The following PLEKHG1 variants were observed in gnomAD, a reference collection of about 807,000 sequenced individuals.
PLEKHG1 encodes pleckstrin homology and RhoGEF domain containing G1.
PLEKHG1 carries 44 observed loss-of-function variants against 100.8 expected under a neutral mutation model. The observed-to-expected ratio is 0.44, with a 90% CI of 0.34 to 0.56. PLEKHG1 has a LOEUF of 0.56. PLEKHG1 is among the 20% of genes least tolerant of loss of function. The probability of loss-of-function intolerance (pLI) is 0.01; values close to 1 mark genes in which losing one functional copy is unlikely to be tolerated. For synonymous variants in PLEKHG1, 640 were observed against 662.5 expected (o/e 0.97, Z 0.52); for missense variants, 1,545 against 1,720.9 (o/e 0.90, Z 1.81).
At chr6:150,706,592 C>G (rs931867758) in intron 3 of PLEKHG1, among the ~76,000 whole-genome samples, 28 of 140,494 alleles carry the variant, frequency 2.0e-4, no homozygotes, top group African/African-American at 6.9e-4. Flanking sequence ...CCAGCCAGGG[C>G]AACAGAGCAA....
At chr6:150,733,783 A>C in exon 2 of PLEKHG1, 1 of 1,614,186 alleles carries the variant, frequency 6.2e-7, no homozygotes, top group South Asian at 1.1e-5. Flanking sequence ...GAATGACCTT[A>C]GTTTCAAATA....
At chr6:150,671,239 T>A (rs1262672718) in intron 3 of PLEKHG1, among the ~76,000 whole-genome samples, 1 of 152,200 alleles carries the variant, frequency 6.6e-6, no homozygotes, top group Non-Finnish European at 1.5e-5. Flanking sequence ...CTTCTTTTCC[T>A]CTGGGTAAAT....
chr6:150,820,296 T>C (rs1035271953), intron 12 of PLEKHG1, among the ~76,000 whole-genome samples: 14 of 152,274 alleles, frequency 9.2e-5, no homozygotes, highest in Middle Eastern at 3.4e-3. Flanking sequence ...CATCTTACCA[T>C]TGACATGCAG....
At chr6:150,643,728 A>G (rs181980179) in intron 2 of PLEKHG1, among the ~76,000 whole-genome samples, 1 of 152,322 alleles carries the variant, frequency 6.6e-6, no homozygotes, top group East Asian at 1.9e-4. Context: ...ATGCCTGCGT[A>G]ATGCCCGGCT....
At chr6:150,809,281 C>G (rs769788527) in exon 8 of PLEKHG1, 2 of 1,613,794 alleles carry the variant, frequency 1.2e-6, no homozygotes, top group Admixed American at 3.3e-5. Context: ...ACAAAGCTCA[C>G]ATCCTGGTAG....
chr6:150,757,932 G>A (rs919988452), intron 2 of PLEKHG1, among the ~76,000 whole-genome samples: 11 of 152,096 alleles, frequency 7.2e-5, no homozygotes, highest in African/African-American at 2.7e-4. Context: ...CCACTTACAA[G>A]TGAGAACATT....
At chr6:150,735,565 A>C (rs975551844) in intron 2 of PLEKHG1, among the ~76,000 whole-genome samples, 1 of 152,246 alleles carries the variant, frequency 6.6e-6, no homozygotes, top group Non-Finnish European at 1.5e-5. Context: ...GTAAAAATAG[A>C]AAAGTCAATT....
Position 150,792,658 on chromosome 6 carries a change from A to G in PLEKHG1, c.583-3198A>G, listed in dbSNP as rs541327928. Among the ~76,000 whole-genome samples, 241 of 151,338 alleles carry G rather than the reference A, an allele frequency of 1.6e-3. No individual in the cohort carries two copies. The Middle Eastern group carries it at 0.028, about 17-fold the overall frequency. On this transcript the variant is annotated intron_variant, in intron 4 of 15. Coordinates refer to ENST00000358517, the Ensembl canonical transcript of PLEKHG1. ...CACTGCACTCCAGCCTAGGTGACAG[A>G]GCAAGACTCCATCTCAAAACAACAA...
chr6:150,779,094 T>C (rs997910443), intron 3 of PLEKHG1, among the ~76,000 whole-genome samples: 5 of 152,142 alleles, frequency 3.3e-5, no homozygotes, highest in Non-Finnish European at 5.9e-5. Flanking sequence ...TAAGGTAAGC[T>C]ACATCCTTTA....
intron 3 of PLEKHG1, among the ~76,000 whole-genome samples, chr6:150,666,223 G>T (rs1288169653): frequency 6.6e-6 from 1 of 152,200 alleles, no homozygotes; most frequent in Non-Finnish European, 1.5e-5. Flanking sequence ...TCCACTTTCT[G>T]CAATCCAATG....
exon 7 of PLEKHG1, chr6:150,804,720 C>A: frequency 6.2e-7 from 1 of 1,613,730 alleles, no homozygotes; most frequent in Non-Finnish European, 8.5e-7. Context: ...AGCGGAAACA[C>A]GAGCACGCGG....
At position 150,604,901 on chromosome 6, in the gene PLEKHG1, C is replaced by T. The variant is rs181179877; in HGVS notation, c.-204+4884C>T. Among the ~76,000 whole-genome samples the T allele has an allele frequency of 1.5e-3, 235 of 152,312 alleles. No individual in the cohort carries two copies. In the Middle Eastern group the frequency reaches 0.017, roughly 11 times the overall value. On this transcript the variant is annotated intron_variant, in intron 1 of 3. Transcript: ENST00000367326. ...CCCAAACCTCTGAGCAAGGCACCCA[C>T]AGCCCTTGTATCTACTCTTCTCCTG...
chr6:150,789,896 C>T (rs1004005250), intron 4 of PLEKHG1, among the ~76,000 whole-genome samples: 1 of 152,146 alleles, frequency 6.6e-6, no homozygotes, highest in African/African-American at 2.4e-5. Context: ...CACAAAGGGG[C>T]CCAGGTGGAG....
intron 1 of PLEKHG1, among the ~76,000 whole-genome samples, chr6:150,629,360 C>A (rs990479285): frequency 4.6e-5 from 7 of 152,112 alleles, no homozygotes; most frequent in African/African-American, 9.7e-5. Context: ...ATGGAATATT[C>A]ATACAAGGAA....
chr6:150,701,601 C>T (rs113581671), intron 3 of PLEKHG1, among the ~76,000 whole-genome samples: 4,761 of 122,852 alleles, frequency 0.039, 325 homozygotes, highest in African/African-American at 0.13. Context: ...CTATCCCTCC[C>T]CCCTCCCCTC....
intron 14 of PLEKHG1, among the ~76,000 whole-genome samples, chr6:150,830,358 C>T (rs1398233259): frequency 6.6e-6 from 1 of 152,070 alleles, no homozygotes; most frequent in African/African-American, 2.4e-5. Context: ...TGTAGTGGTT[C>T]ACACCTGTAG....
intron 3 of PLEKHG1, among the ~76,000 whole-genome samples, chr6:150,655,723 A>G (rs1778941800): frequency 6.6e-6 from 1 of 151,324 alleles, no homozygotes; most frequent in Non-Finnish European, 1.5e-5. Context: ...AAAAAAAAAA[A>G]AAAAAAAGAA....
intron 5 of PLEKHG1, among the ~76,000 whole-genome samples, chr6:150,800,006 T>C (rs1786592005): frequency 6.6e-6 from 1 of 152,198 alleles, no homozygotes; most frequent in Non-Finnish European, 1.5e-5. Flanking sequence ...GGGATCTGGG[T>C]TGCGGAAAGA....
intron 1 of PLEKHG1, among the ~76,000 whole-genome samples, chr6:150,608,813 CTG>C (rs1385002332): frequency 2.0e-5 from 3 of 152,040 alleles, no homozygotes; most frequent in African/African-American, 4.8e-5. Context: ...ATTGGGCAGT[CTG>C]TATGTTATTT....
Sources: gnomAD v4.1 joint callset for allele counts (sites outside exome capture counted in the v4.1 genomes callset) on GRCh38, gnomAD v4.1.1 for gene constraint, MANE v1.5 for transcripts, NCBI Gene and HGNC (gene_info 2026-07-23, HGNC 2026-07-21) for gene names.